Variants in RAN observed in about 807,000 individuals in gnomAD.
RAN encodes the protein GTP-binding nuclear protein Ran.
A neutral mutation model predicts 26.8 loss-of-function variants in RAN; 2 were observed. The observed-to-expected ratio is 0.07, with a 90% CI of 0.03 to 0.23. RAN has a LOEUF of 0.23. RAN is among the 10% of genes least tolerant of loss of function. The pLI is 1.00. For synonymous variants in RAN, 132 were observed against 95.9 expected, an observed-to-expected ratio of 1.38 and a Z score of -2.20; for missense variants, 56 against 264.8, an observed-to-expected ratio of 0.21 and a Z score of 5.47.
Position 130,875,991 on chromosome 12 carries a change from G to A in RAN, c.*65G>A. ...AGGCAGCTGTCCTGTGATGTCAGCG[G>A]TGCAGCGTGTGTGCCACCTCATTAT... is the stretch of plus-strand genomic sequence containing the variant. On this transcript the variant is annotated 3_prime_UTR_variant, in exon 7 of 7. Transcript: ENST00000543796. 1 of 1,515,650 alleles carries A rather than the reference G, an allele frequency of 6.6e-7. No individual in the cohort carries two copies. The highest frequency in any genetic ancestry group is 1.1e-5 in the South Asian group (1 of 88,940). 93.9% of individuals were successfully genotyped at this position (1,515,650 alleles called of 1,614,324 possible). A position where few individuals can be genotyped will look rare whatever the true frequency, so the allele number is the denominator to read the frequency against.
intron 4 of RAN, chr12:130,874,262 C>T: frequency 5.9e-6 from 2 of 336,312 alleles, no homozygotes; most frequent in Non-Finnish European, 5.5e-6. Flanking sequence ...CTTGGTTATC[C>T]AGAATCTCAT....
intron 3 of RAN, 28 bp from the exon 4 acceptor site, chr12:130,872,975 C>G (rs1440757166): frequency 6.2e-7 from 1 of 1,614,064 alleles, no homozygotes; most frequent in African/African-American, 1.3e-5. Context: ...GTAAGTTCAT[C>G]CACTCAATCG....
chr12:130,875,866 C>T lies in RAN; in HGVS notation c.607-16C>T, dbSNP rs2136403954. On this transcript the variant is annotated splice_polypyrimidine_tract_variant and intron_variant, in intron 6 of 6. Coordinates refer to ENST00000543796, the MANE Select transcript of RAN (RefSeq NM_006325.5). ...TTTGATCTGGAGTGTTAACGTTTTT[C>T]CATCTCTTCGTCTAGGTTGCTCAGA... The T allele has an allele frequency of 6.2e-7, 1 of 1,614,142 alleles. No individual in the cohort carries two copies. Among genetic ancestry groups the T allele is most frequent in the South Asian group, 1.1e-5 (1 of 91,082 alleles).
Position 130,873,139 on chromosome 12 carries a change from G to T in RAN, c.247+11G>T. The stretch of plus-strand genomic sequence containing the variant: ...GCTATTATATCCAAGGTAGGCATTT[G>T]TAACTTGCTGAACGGTTTTTGAGAG... On this transcript the variant is annotated intron_variant, in intron 4 of 6. Transcript: ENST00000543796. 6.2e-7 allele frequency: 1 copy of T among 1,614,134 alleles called. No homozygotes were observed. The highest frequency in any genetic ancestry group is 8.5e-7 in the Non-Finnish European group (1 of 1,179,974).
intron 4 of RAN, 36 bp downstream of exon 4, chr12:130,873,164 G>T: frequency 1.9e-6 from 3 of 1,613,328 alleles, no homozygotes; most frequent in Non-Finnish European, 2.5e-6. Flanking sequence ...GTTTTTGAGA[G>T]GTTTTGTGTA....
rs1953242619 is a variant in RAN, at chr12:130,876,440, A to G, written c.*514A>G. On this transcript the variant is annotated 3_prime_UTR_variant, in exon 7 of 7. Coordinates refer to ENST00000543796, the MANE Select transcript of RAN (RefSeq NM_006325.5). ...ATGTTTATTTTTGTACATTTGAGCC[A>G]TGTCACACAAACTGATGATGACAGG... is the stretch of plus-strand genomic sequence containing the variant. The G allele has an allele frequency of 6.2e-6, 1 of 162,388 alleles. No homozygotes were observed. Among genetic ancestry groups the G allele is most frequent in the African/African-American group, 2.4e-5 (1 of 41,504 alleles). The allele number at this position is 162,388 out of a possible 1,614,324, so 10.1% of individuals were successfully genotyped here. A position where few individuals can be genotyped will look rare whatever the true frequency, so the allele number is the denominator to read the frequency against.
At chr12:130,872,450 A>G (rs1281591203) in intron 1 of RAN, 134 bp from the exon 2 acceptor site, 4 of 414,630 alleles carry the variant, frequency 9.6e-6, no homozygotes, top group Middle Eastern at 9.5e-4. Flanking sequence ...TCCCGCTCCC[A>G]GGCCTGGCCG....
rs937096829 is a variant in RAN, at chr12:130,877,299, T to C, written c.*1373T>C. 1 of 152,162 alleles carries C rather than the reference T, an allele frequency of 6.6e-6. No individual in the cohort carries two copies. The highest frequency in any genetic ancestry group is 2.4e-5 in the African/African-American group (1 of 41,446). 9.4% of individuals were successfully genotyped at this position (152,162 alleles called of 1,614,324 possible). A position where few individuals can be genotyped will look rare whatever the true frequency, so the allele number is the denominator to read the frequency against. ...GTATAGAAAGGATCACTTAAATATA[T>C]GGAAAAATGAAATAAGGGTGAAGCT... On this transcript the variant is annotated 3_prime_UTR_variant, in exon 7 of 7. Coordinates refer to ENST00000543796, the MANE Select transcript of RAN (RefSeq NM_006325.5).
chr12:130,873,407 G>A (rs1217985999), intron 4 of RAN: 2 of 345,604 alleles, frequency 5.8e-6, no homozygotes, highest in Admixed American at 9.1e-5. Context: ...GCTGTTAACA[G>A]CAGTTTCAGT....
intron 1 of RAN, 197 bp from the exon 2 acceptor site, chr12:130,872,387 G>T: frequency 6.1e-6 from 1 of 164,596 alleles, no homozygotes; most frequent in South Asian, 1.9e-4. Context: ...CTACACCTCC[G>T]GCCGCCGTTC....
At chr12:130,872,785 C>T (rs369876505) in intron 2 of RAN, 51 bp from the exon 3 acceptor site, 28 of 1,599,612 alleles carry the variant, frequency 1.8e-5, no homozygotes, top group South Asian at 2.2e-5. Flanking sequence ...ACTCTGGGAT[C>T]TTGAGAGGTG....
At chr12:130,874,861 C>T in intron 5 of RAN, 128 bp downstream of exon 5, 1 of 819,916 alleles carries the variant, frequency 1.2e-6, no homozygotes, top group Non-Finnish European at 1.8e-6. Flanking sequence ...CTTCCTCTGT[C>T]CCCCATGCTG....
In RAN at chr12:130,875,786, T is replaced by G; in HGVS notation, c.606+4T>G. 12 of 1,614,068 alleles carry G rather than the reference T, an allele frequency of 7.4e-6. No homozygotes were observed. Among genetic ancestry groups the G allele is most frequent in the Non-Finnish European group, 1.0e-5 (12 of 1,179,996 alleles). ...ACAGTATGAGCACGACTTAGAGGTA[T>G]TGTGGCCACTTTGCTGTTCAGATTG... On this transcript the variant is annotated splice_donor_region_variant and intron_variant, in intron 6 of 6. Transcript: ENST00000543796.
At chr12:130,873,962 C>G (rs1195675144) in intron 4 of RAN, 7 of 336,442 alleles carry the variant, frequency 2.1e-5, no homozygotes, top group South Asian at 4.3e-5. Context: ...ATCCTCTTAC[C>G]TCAGCATCCT....
chr12:130,872,731 A>G (rs1953162663), intron 2 of RAN, 102 bp downstream of exon 2: 1 of 1,564,810 alleles, frequency 6.4e-7, no homozygotes, highest in African/African-American at 1.4e-5. Context: ...CCCCGCATCC[A>G]CATTCTTTGT....
At chr12:130,872,772 G>A (rs1422280335) in intron 2 of RAN, 64 bp from the exon 3 acceptor site, 4 of 1,596,212 alleles carry the variant, frequency 2.5e-6, no homozygotes, top group Non-Finnish European at 3.4e-6. Flanking sequence ...TTAAAGTTCC[G>A]TGACTCTGGG....
At chr12:130,874,790 C>A (rs1953207525) in intron 5 of RAN, 57 bp downstream of exon 5, 3 of 1,397,518 alleles carry the variant, frequency 2.1e-6, no homozygotes, top group South Asian at 1.3e-5. Context: ...ATATGTAAGA[C>A]CATGAAATTA....
rs112119914 is a variant in RAN, at chr12:130,874,206, C to T, written c.248-340C>T. 1,094 of 239,482 alleles carry T rather than the reference C, an allele frequency of 4.6e-3. 9 individuals are homozygous for T. The highest frequency in any genetic ancestry group is 0.023 in the African/African-American group (1,022 of 43,836). The allele number at this position is 239,482 out of a possible 1,614,324, so 14.8% of individuals were successfully genotyped here. A position where few individuals can be genotyped will look rare whatever the true frequency, so the allele number is the denominator to read the frequency against. On this transcript the variant is annotated intron_variant, in intron 4 of 6. Coordinates refer to ENST00000543796, the MANE Select transcript of RAN (RefSeq NM_006325.5). ...TCCAGTATAGCCAGCCATTTAAAGACCTTCTGAAGAATGTGTTTCCAGGCC... is the reference window on the plus strand; with the variant it reads ...TCCAGTATAGCCAGCCATTTAAAGATCTTCTGAAGAATGTGTTTCCAGGCC...
At chr12:130,875,493 A>G (rs979137701) in intron 5 of RAN, 119 bp from the exon 6 acceptor site, 4 of 936,232 alleles carry the variant, frequency 4.3e-6, no homozygotes, top group Non-Finnish European at 6.2e-6. Flanking sequence ...CTGGGATTAC[A>G]GGCATGAGCC....
Sources: gnomAD v4.1 joint callset for allele counts on GRCh38, gnomAD v4.1.1 for gene constraint, MANE v1.5 for transcripts, NCBI Gene and HGNC (gene_info 2026-07-23, HGNC 2026-07-21) for gene names.